Variants in TCERG1 observed in about 807,000 individuals in gnomAD.
TCERG1 encodes TATA box binding protein (TBP)-associated factor, RNA polymerase II, S, 150kD.
A neutral mutation model predicts 144.7 loss-of-function variants in TCERG1; 37 were observed. The observed-to-expected ratio is 0.26, with a 90% CI of 0.20 to 0.34. The LOEUF is 0.34. Among genes scored for constraint, TCERG1 ranks in the 10% least tolerant of loss-of-function variants. The pLI, the probability that TCERG1 is intolerant of heterozygous loss-of-function variation, is 1.00. For synonymous variants in TCERG1, 492 were observed against 458.2 expected (o/e 1.07, Z -0.94); for missense variants, 1,027 against 1,380.7 (o/e 0.74, Z 4.06).
At chr5:146,452,605 A>G (rs1762452816) in intron 1 of TCERG1, among the ~76,000 whole-genome samples, 1 of 152,054 alleles carries the variant, frequency 6.6e-6, no homozygotes, top group African/African-American at 2.4e-5. Flanking sequence ...TTTATTTATT[A>G]TTGAGACAGA....
chr5:146,452,449 T>C (rs965337787), intron 1 of TCERG1, among the ~76,000 whole-genome samples: 2 of 152,164 alleles, frequency 1.3e-5, no homozygotes, highest in Non-Finnish European at 2.9e-5. Flanking sequence ...ACCTAGGTAT[T>C]CAGTGGTTCA....
intron 22 of TCERG1, 72 bp from the exon 23 acceptor site, chr5:146,510,369 C>A: frequency 2.6e-5 from 25 of 949,440 alleles, no homozygotes; most frequent in Non-Finnish European, 3.2e-5. Context: ...ACTAGATGGA[C>A]ATTTCCAGCT....
intron 17 of TCERG1, among the ~76,000 whole-genome samples, chr5:146,499,366 G>T (rs1288299858): frequency 3.3e-5 from 5 of 152,160 alleles, no homozygotes; most frequent in Admixed American, 1.3e-4. Context: ...ATTCCAGAAA[G>T]TTATAATATT....
chr5:146,453,771 C>G (rs1448551630), intron 1 of TCERG1, among the ~76,000 whole-genome samples: 1 of 146,488 alleles, frequency 6.8e-6, no homozygotes, highest in African/African-American at 2.5e-5. Flanking sequence ...AACCCTGTCT[C>G]TAAAAAAAAA....
intron 16 of TCERG1, among the ~76,000 whole-genome samples, chr5:146,496,616 C>G (rs1203999865): frequency 6.6e-6 from 1 of 151,938 alleles, no homozygotes; most frequent in Non-Finnish European, 1.5e-5. Context: ...ATTTTTAGAC[C>G]ATGTTTTCAA....
chr5:146,464,797 G>A (rs1763633384), intron 5 of TCERG1, among the ~76,000 whole-genome samples: 1 of 152,126 alleles, frequency 6.6e-6, no homozygotes, highest in African/African-American at 2.4e-5. Flanking sequence ...ACTCCTTTCT[G>A]TGTAAGAATA....
intron 2 of TCERG1, among the ~76,000 whole-genome samples, chr5:146,456,667 T>C (rs759560010): frequency 2.0e-5 from 3 of 152,230 alleles, no homozygotes; most frequent in Admixed American, 6.5e-5. Context: ...ATTATCCAGA[T>C]TAAGCTGCTT....
chr5:146,458,238 C>G (rs1230738877), intron 3 of TCERG1, among the ~76,000 whole-genome samples: 2 of 139,122 alleles, frequency 1.4e-5, no homozygotes, highest in African/African-American at 5.4e-5. Flanking sequence ...TGCAGTGGTG[C>G]GATCTTTGGT....
At chr5:146,453,557 T>C (rs1029838106) in intron 1 of TCERG1, among the ~76,000 whole-genome samples, 1 of 152,234 alleles carries the variant, frequency 6.6e-6, no homozygotes, top group African/African-American at 2.4e-5. Flanking sequence ...TAATCTGTTG[T>C]GCATATTCCA....
rs183253545 is a variant in TCERG1, at chr5:146,481,234, G to A, written c.1937+34G>A. On this transcript the variant is annotated intron_variant, in intron 13 of 22. Transcript: ENST00000679501. ...CTAAAAGCCTGTTTTTCCTGGCTTA[G>A]TTTTTCTTTTATTTCCTTTATTGAG... 2,661 of 969,962 alleles carry A rather than the reference G, an allele frequency of 2.7e-3. 2 individuals are homozygous for A. The highest frequency in any genetic ancestry group is 3.1e-3 in the Non-Finnish European group (2,524 of 816,094). 60.1% of individuals were successfully genotyped at this position (969,962 alleles called of 1,614,324 possible).
chr5:146,470,966 G>A (rs143006853), intron 8 of TCERG1, among the ~76,000 whole-genome samples: 1 of 152,256 alleles, frequency 6.6e-6, no homozygotes, highest in East Asian at 1.9e-4. Context: ...ACAGGGCCTT[G>A]GACCAGAGCT....
chr5:146,475,186 T>C (rs1466228849), intron 9 of TCERG1, among the ~76,000 whole-genome samples: 1 of 152,232 alleles, frequency 6.6e-6, no homozygotes, highest in Non-Finnish European at 1.5e-5. Flanking sequence ...ATGTTTTTCC[T>C]ATAGTGTTCC....
intron 10 of TCERG1, 44 bp from the exon 11 acceptor site, chr5:146,479,811 A>C (rs150365682): frequency 6.2e-7 from 1 of 1,603,332 alleles, no homozygotes. Context: ...TTTGTGAAAT[A>C]TATGCAAATG....
In TCERG1 at chr5:146,478,537, C is replaced by A; in HGVS notation, c.1646C>A (p.Pro549His). 1 of 1,607,300 alleles carries A rather than the reference C, an allele frequency of 6.2e-7. No individual in the cohort carries two copies. Reference protein sequence around the residue: ...TGDERVFFYNPTTRLSMWDRP... With the variant: ...TGDERVFFYNHTTRLSMWDRP... Reference sequence around the variant, plus strand: ...GATGAGCGGGTCTTCTTTTATAATCCCACCACTCGTCTTTCTATGTGGGAC... The same window carrying A: ...GATGAGCGGGTCTTCTTTTATAATCACACCACTCGTCTTTCTATGTGGGAC... Residue 549 changes from proline to histidine, a missense_variant, in exon 10 of 23, where the codon CCC becomes CAC. Physicochemically the swap from Pro to His is moderately conservative, Grantham distance 77. This residue lies in a region of TCERG1 where 482 missense variants were observed against 632.6 expected (regional missense o/e 0.76). Coordinates refer to ENST00000679501, the MANE Select transcript of TCERG1 (RefSeq NM_001382548.1).
At chr5:146,471,060 T>C (rs1415037169) in intron 8 of TCERG1, among the ~76,000 whole-genome samples, 5 of 152,256 alleles carry the variant, frequency 3.3e-5, no homozygotes, top group Non-Finnish European at 4.4e-5. Flanking sequence ...TGGGGAATGT[T>C]AGATATATTT....
chr5:146,465,246 TC>T (rs1763672456), intron 5 of TCERG1, among the ~76,000 whole-genome samples: 1 of 152,158 alleles, frequency 6.6e-6, no homozygotes. Context: ...TAAGACCAGA[TC>T]GTGGATTCTG....
rs1467569343 is a variant in TCERG1 at position 146,479,879 on chromosome 5, C to T, written c.1787C>T (p.Ser596Leu). The T allele has an allele frequency of 3.7e-6, 6 of 1,613,470 alleles. No homozygotes were observed. The highest frequency in any genetic ancestry group is 1.7e-4 in the Middle Eastern group (1 of 6,060). ...KLRHPTPTML[S>L]IQKWQFSMSA... is the part of the protein sequence containing the mutation. ...GGGCACCCAACTCCGACAATGCTGT[C>T]GATCCAAAAGTGGCAATTCTCTATG... Residue 596 changes from serine to leucine, a missense_variant, in exon 11 of 23, where the codon TCG becomes TTG. Transcript: ENST00000679501.
At chr5:146,480,205 A>T (rs1221404077) in intron 12 of TCERG1, 111 bp downstream of exon 12, 9 of 756,808 alleles carry the variant, frequency 1.2e-5, no homozygotes, top group African/African-American at 1.8e-5. Context: ...AGGAGGCATG[A>T]TTGCTCTCTT....
chr5:146,490,660 G>C (rs1327928902), intron 15 of TCERG1, among the ~76,000 whole-genome samples: 1 of 152,132 alleles, frequency 6.6e-6, no homozygotes, highest in Admixed American at 6.5e-5. Flanking sequence ...CTCAGTACTT[G>C]GCTGACCTTT....
Sources: gnomAD v4.1 joint callset for allele counts (sites outside exome capture counted in the v4.1 genomes callset) on GRCh38, gnomAD v4.1.1 for gene constraint, gnomAD v4.1.1 regional missense constraint, MANE v1.5 for transcripts, NCBI Gene and HGNC (gene_info 2026-07-23, HGNC 2026-07-21) for gene names.